Variants in ARHGAP15 observed in about 807,000 individuals in gnomAD.
The protein encoded by ARHGAP15 is rho GTPase-activating protein 15.
A neutral mutation model predicts 63.7 loss-of-function variants in ARHGAP15; 51 were observed. That is an observed-to-expected ratio of 0.80 (90% CI 0.64 to 1.01). The LOEUF (loss-of-function observed/expected upper bound fraction) is 1.01, where lower values mean the gene tolerates loss of function less well. Ranked by LOEUF, ARHGAP15 falls within the 50% of genes least tolerant of loss-of-function variation. ARHGAP15 has a pLI of 0.00. For synonymous variants in ARHGAP15, 191 were observed against 193.8 expected, an observed-to-expected ratio of 0.99 and a Z score of 0.12; for missense variants, 560 against 564.6, an observed-to-expected ratio of 0.99 and a Z score of 0.08.
At position 143,137,267 on chromosome 2, in the gene ARHGAP15, T is replaced by C. The variant is rs1689184428; in HGVS notation, c.-15+7801T>C. ...TGGGAGTATTGACCTCGCCTGTCTT[T>C]TTACTGCTAAATACCTAGAACCTAG... On this transcript the variant is annotated intron_variant, in intron 1 of 13. Transcript: ENST00000295095. 5.3e-5 allele frequency among the ~76,000 whole-genome samples: 8 copies of C among 152,066 alleles called. No individual in the cohort carries two copies. The South Asian group carries it at 1.7e-3, about 31-fold the overall frequency.
At chr2:143,213,966 T>C (rs1345613978) in intron 3 of ARHGAP15, among the ~76,000 whole-genome samples, 1 of 152,222 alleles carries the variant, frequency 6.6e-6, no homozygotes, top group African/African-American at 2.4e-5. Context: ...AAATGTTACT[T>C]ATGTATTCAA....
intron 12 of ARHGAP15, among the ~76,000 whole-genome samples, chr2:143,626,560 C>T (rs939657679): frequency 3.3e-5 from 5 of 152,090 alleles, no homozygotes; most frequent in Non-Finnish European, 5.9e-5. Flanking sequence ...GGGACCCCAG[C>T]GGGTTACCCC....
chr2:143,208,254 G>C (rs78593159), intron 3 of ARHGAP15, among the ~76,000 whole-genome samples: 1,774 of 152,180 alleles, frequency 0.012, 39 homozygotes, highest in South Asian at 0.1. Context: ...CAGGAAACAC[G>C]AGAGACATTG....
At chr2:143,756,940 AT>A (rs1201302839) in intron 13 of ARHGAP15, among the ~76,000 whole-genome samples, 1 of 151,896 alleles carries the variant, frequency 6.6e-6, no homozygotes, top group Non-Finnish European at 1.5e-5. Flanking sequence ...AAGTCTCTTG[AT>A]GTCAAATTCA....
intron 12 of ARHGAP15, among the ~76,000 whole-genome samples, chr2:143,650,804 T>C (rs1191221654): frequency 1.3e-5 from 2 of 151,952 alleles, no homozygotes; most frequent in East Asian, 3.9e-4. Flanking sequence ...ATTTGGTATA[T>C]AATGTTATTT....
chr2:143,694,204 G>T (rs1683741760), intron 12 of ARHGAP15, among the ~76,000 whole-genome samples: 1 of 152,136 alleles, frequency 6.6e-6, no homozygotes, highest in African/African-American at 2.4e-5. Context: ...AAAGAAAGGG[G>T]TGGGGGAGAA....
chr2:143,357,503 C>T lies in ARHGAP15; in HGVS notation c.475-78098C>T, dbSNP rs561121300. 2.0e-5 allele frequency among the ~76,000 whole-genome samples: 3 copies of T among 152,138 alleles called. No individual in the cohort carries two copies. In the South Asian group the frequency reaches 6.2e-4, roughly 32 times the overall value. Reference sequence around the variant, plus strand: ...GAAAAATATTCTTGATTCCTGAACCCAAAGGTTAACTTTCCTCTTTAATGC... The same window carrying T: ...GAAAAATATTCTTGATTCCTGAACCTAAAGGTTAACTTTCCTCTTTAATGC... On this transcript the variant is annotated intron_variant, in intron 6 of 13. Transcript: ENST00000295095.
intron 3 of ARHGAP15, among the ~76,000 whole-genome samples, chr2:143,209,721 G>A (rs932176907): frequency 3.3e-5 from 5 of 152,078 alleles, no homozygotes; most frequent in African/African-American, 4.8e-5. Flanking sequence ...TGCAAGGGTC[G>A]CCAGGTCAGA....
At chr2:143,482,016 G>A (rs997542450) in intron 8 of ARHGAP15, among the ~76,000 whole-genome samples, 1 of 152,128 alleles carries the variant, frequency 6.6e-6, no homozygotes, top group African/African-American at 2.4e-5. Context: ...ATTTGTTCAG[G>A]CTTGACAGAA....
intron 12 of ARHGAP15, among the ~76,000 whole-genome samples, chr2:143,654,771 G>C (rs191780994): frequency 1.3e-5 from 2 of 152,012 alleles, no homozygotes; most frequent in Non-Finnish European, 2.9e-5. Flanking sequence ...TGTATATTGT[G>C]ATATTATCCA....
intron 6 of ARHGAP15, among the ~76,000 whole-genome samples, chr2:143,424,536 A>C (rs959891870): frequency 3.9e-5 from 6 of 151,966 alleles, no homozygotes; most frequent in Admixed American, 3.3e-4. Context: ...CAGCTTCTTC[A>C]TGTCCTTTAG....
At chr2:143,672,402 A>T (rs1207035012) in intron 12 of ARHGAP15, among the ~76,000 whole-genome samples, 1 of 152,218 alleles carries the variant, frequency 6.6e-6, no homozygotes, top group African/African-American at 2.4e-5. Context: ...TCATGGATGT[A>T]AAGAGCCCAA....
At chr2:143,256,289 G>A (rs1178406116) in intron 6 of ARHGAP15, among the ~76,000 whole-genome samples, 1 of 152,114 alleles carries the variant, frequency 6.6e-6, no homozygotes. Context: ...AGGGTTGAGA[G>A]AGGTAAATAT....
intron 9 of ARHGAP15, among the ~76,000 whole-genome samples, chr2:143,498,154 C>T (rs957447086): frequency 6.6e-6 from 1 of 152,062 alleles, no homozygotes; most frequent in Non-Finnish European, 1.5e-5. Flanking sequence ...TCATAAATTT[C>T]TAAGATTCAA....
At chr2:143,289,791 T>C (rs904763231) in intron 6 of ARHGAP15, among the ~76,000 whole-genome samples, 4 of 152,138 alleles carry the variant, frequency 2.6e-5, no homozygotes, top group Non-Finnish European at 5.9e-5. Flanking sequence ...TTTCACATAG[T>C]CTAAGGTAAG....
intron 9 of ARHGAP15, among the ~76,000 whole-genome samples, chr2:143,509,100 A>G (rs1398315639): frequency 6.6e-6 from 1 of 152,202 alleles, no homozygotes; most frequent in Non-Finnish European, 1.5e-5. Context: ...CAACTCCGCT[A>G]TCCTTGTTCG....
At chr2:143,425,485 G>T (rs1689104693) in intron 6 of ARHGAP15, among the ~76,000 whole-genome samples, 1 of 151,654 alleles carries the variant, frequency 6.6e-6, no homozygotes, top group African/African-American at 2.4e-5. Context: ...ATCATATATA[G>T]TGATATATAT....
chr2:143,653,136 A>G (rs535446964), intron 12 of ARHGAP15, among the ~76,000 whole-genome samples: 18 of 152,228 alleles, frequency 1.2e-4, no homozygotes, highest in East Asian at 7.7e-4. Flanking sequence ...TGAGATGAAC[A>G]TAAGGTTTCT....
chr2:143,516,750 G>C (rs1693837460), intron 9 of ARHGAP15, among the ~76,000 whole-genome samples: 2 of 152,048 alleles, frequency 1.3e-5, no homozygotes, highest in Admixed American at 6.5e-5. Flanking sequence ...TTTTTTCCTA[G>C]ATAATATTTT....
Sources: gnomAD v4.1 joint callset for allele counts (sites outside exome capture counted in the v4.1 genomes callset) on GRCh38, gnomAD v4.1.1 for gene constraint, MANE v1.5 for transcripts, NCBI Gene and HGNC (gene_info 2026-07-23, HGNC 2026-07-21) for gene names.